GPC3: variants seen among roughly 807,000 people sequenced by gnomAD.
GPC3 encodes glypican 3, also known as glypican-3.
A neutral mutation model predicts 34.4 loss-of-function variants in GPC3; 3 were observed. The ratio of observed to expected loss-of-function variants is 0.09; its 90% CI spans 0.04 to 0.23. GPC3 has a LOEUF of 0.23. Ranked by LOEUF, GPC3 falls within the 10% of genes least tolerant of loss-of-function variation. The pLI is 1.00. For synonymous variants in GPC3, 177 were observed against 174.0 expected (o/e 1.02, Z -0.13); for missense variants, 351 against 445.6 (o/e 0.79, Z 1.91).
chrX:133,743,751 A>G (rs1307017016), intron 3 of GPC3, among the ~76,000 whole-genome samples: 4 of 112,234 alleles, frequency 3.6e-5, no homozygotes. Flanking sequence ...TTAAAAAGGC[A>G]TTGTGGTTAC....
chrX:133,562,188 C>T (rs1239519077), intron 7 of GPC3, among the ~76,000 whole-genome samples: 1 of 111,345 alleles, frequency 9.0e-6, no homozygotes, highest in African/African-American at 3.3e-5. Flanking sequence ...GTTTGGGTAC[C>T]TTGGAATATT....
intron 2 of GPC3, among the ~76,000 whole-genome samples, chrX:133,913,239 C>G (rs751668934): frequency 9.0e-6 from 1 of 111,431 alleles, no homozygotes; most frequent in Non-Finnish European, 1.9e-5. Flanking sequence ...GACTTTCCAT[C>G]ACAAAGGAGA....
intron 3 of GPC3, among the ~76,000 whole-genome samples, chrX:133,715,916 A>T (rs2071309065): frequency 9.0e-6 from 1 of 111,325 alleles, no homozygotes; most frequent in Non-Finnish European, 1.9e-5. Flanking sequence ...GTGAAGGCTA[A>T]GGCAGGGTCT....
At chrX:133,614,744 G>C (rs2070143495) in intron 6 of GPC3, among the ~76,000 whole-genome samples, 1 of 111,398 alleles carries the variant, frequency 9.0e-6, no homozygotes, top group Non-Finnish European at 1.9e-5. Flanking sequence ...TAAAAATAGA[G>C]ACAATTCATA....
intron 7 of GPC3, among the ~76,000 whole-genome samples, chrX:133,537,806 G>A (rs1436108486): frequency 2.7e-5 from 3 of 111,499 alleles, no homozygotes; most frequent in East Asian, 2.8e-4. Flanking sequence ...ATTTCTCAAT[G>A]TGTAGTAGTT....
intron 1 of GPC3, among the ~76,000 whole-genome samples, chrX:133,981,008 G>A (rs763170784): frequency 4.4e-5 from 5 of 112,557 alleles, no homozygotes; most frequent in East Asian, 2.8e-4. Flanking sequence ...CGCCATCTGC[G>A]TCATTTAGCA....
intron 7 of GPC3, among the ~76,000 whole-genome samples, chrX:133,594,742 C>T (rs1281310644): frequency 9.0e-6 from 1 of 110,899 alleles, no homozygotes; most frequent in Non-Finnish European, 1.9e-5. Context: ...GTTCAATGGA[C>T]ATAGAGTTTT....
intron 7 of GPC3, among the ~76,000 whole-genome samples, chrX:133,576,520 A>G (rs903924873): frequency 3.6e-5 from 4 of 111,271 alleles, no homozygotes; most frequent in Non-Finnish European, 7.5e-5. Context: ...AATTACAGGC[A>G]TGAGCTGCTG....
intron 7 of GPC3, among the ~76,000 whole-genome samples, chrX:133,544,512 C>T (rs185480792): frequency 9.0e-6 from 1 of 111,280 alleles, no homozygotes; most frequent in African/African-American, 3.3e-5. Flanking sequence ...ATAAAAAAGT[C>T]ATATGGGCCA....
chrX:133,788,044 T>G (rs2072119547), intron 2 of GPC3, among the ~76,000 whole-genome samples: 1 of 100,119 alleles, frequency 1.0e-5, no homozygotes, highest in Admixed American at 1.1e-4. Flanking sequence ...TGTTTTATGA[T>G]ATATACATAT....
At chrX:133,889,659 T>G (rs2124588835) in intron 2 of GPC3, among the ~76,000 whole-genome samples, 1 of 108,969 alleles carries the variant, frequency 9.2e-6, no homozygotes, top group African/African-American at 3.3e-5. Context: ...AATACATATA[T>G]ACTAAACAAT....
chrX:133,732,204 T>C (rs951418734), intron 3 of GPC3, among the ~76,000 whole-genome samples: 1 of 111,110 alleles, frequency 9.0e-6, no homozygotes, highest in Non-Finnish European at 1.9e-5. Flanking sequence ...AAACATGAGA[T>C]CAGGGACCCA....
chrX:133,631,079 T>G (rs1267780313), intron 6 of GPC3, among the ~76,000 whole-genome samples: 1 of 111,920 alleles, frequency 8.9e-6, no homozygotes, highest in Non-Finnish European at 1.9e-5. Flanking sequence ...CTTGAGCACA[T>G]GGAACACATT....
At chrX:133,787,871 C>G (rs1444062798) in intron 2 of GPC3, among the ~76,000 whole-genome samples, 3 of 108,574 alleles carry the variant, frequency 2.8e-5, no homozygotes, top group African/African-American at 1.0e-4. Context: ...CTCTTCTACT[C>G]TCATCATCAA....
intron 6 of GPC3, among the ~76,000 whole-genome samples, chrX:133,646,147 T>C (rs2070543226): frequency 9.1e-6 from 1 of 110,134 alleles, no homozygotes; most frequent in South Asian, 3.9e-4. Flanking sequence ...CTCATTGATT[T>C]TTCTAGTTCC....
intron 2 of GPC3, among the ~76,000 whole-genome samples, chrX:133,918,412 C>A (rs1264355609): frequency 8.9e-6 from 1 of 112,249 alleles, no homozygotes; most frequent in Non-Finnish European, 1.9e-5. Flanking sequence ...AGCAAGAGTT[C>A]ATATCACTTG....
intron 2 of GPC3, among the ~76,000 whole-genome samples, chrX:133,861,039 C>G (rs2075933947): frequency 9.0e-6 from 1 of 111,332 alleles, no homozygotes; most frequent in South Asian, 3.8e-4. Flanking sequence ...GAGGTTGAAT[C>G]TGCAGTGGTC....
chrX:133,897,110 G>T (rs1374196603), intron 2 of GPC3, among the ~76,000 whole-genome samples: 5 of 107,508 alleles, frequency 4.7e-5, no homozygotes, highest in Non-Finnish European at 5.7e-5. Flanking sequence ...GTTTCACCGT[G>T]TTAGCCAGGA....
chrX:133,967,550 C>T (rs917605490), intron 1 of GPC3, among the ~76,000 whole-genome samples: 18 of 112,549 alleles, frequency 1.6e-4, no homozygotes, highest in African/African-American at 4.5e-4. Flanking sequence ...CAGAAAACCA[C>T]CAGCTCTTGA....
Sources: allele counts gnomAD v4.1 joint callset (sites outside exome capture counted in the v4.1 genomes callset), GRCh38; gene constraint gnomAD v4.1.1; transcripts MANE v1.5; gene names NCBI Gene and HGNC (gene_info 2026-07-23, HGNC 2026-07-21).